SLC39A11: variants seen among roughly 807,000 people sequenced by gnomAD.
SLC39A11 encodes the protein zinc transporter ZIP11.
Under a neutral mutation model 36.1 loss-of-function variants are expected in SLC39A11, and 33 were observed. The ratio of observed to expected loss-of-function variants is 0.91; its 90% CI spans 0.69 to 1.22. The LOEUF (loss-of-function observed/expected upper bound fraction) is 1.22. Ranked by LOEUF, SLC39A11 falls within the 50% of genes most tolerant of loss-of-function variation. The pLI is 0.00. For missense variants in SLC39A11, 432 were observed against 430.3 expected, an observed-to-expected ratio of 1.00 and a Z score of -0.03; for synonymous variants, 166 against 170.3, an observed-to-expected ratio of 0.97 and a Z score of 0.20.
chr17:72,735,434 A>G (rs2074386175), intron 7 of SLC39A11, among the ~76,000 whole-genome samples: 2 of 152,108 alleles, frequency 1.3e-5, no homozygotes, highest in South Asian at 2.1e-4. Flanking sequence ...GTCACGATCA[A>G]TGGGTGCAGG....
chr17:72,909,268 C>T (rs143803452), intron 5 of SLC39A11, among the ~76,000 whole-genome samples: 19 of 152,310 alleles, frequency 1.2e-4, no homozygotes, highest in African/African-American at 4.1e-4. Context: ...TTGCATCCCA[C>T]CCATTCTGGA....
intron 6 of SLC39A11, among the ~76,000 whole-genome samples, chr17:72,799,034 G>A (rs2076994308): frequency 6.6e-6 from 1 of 151,266 alleles, no homozygotes; most frequent in Non-Finnish European, 1.5e-5. Context: ...GCAAGGTTTT[G>A]ACTTGTGCAC....
intron 7 of SLC39A11, among the ~76,000 whole-genome samples, chr17:72,729,832 G>A (rs2074142603): frequency 6.6e-6 from 1 of 151,998 alleles, no homozygotes; most frequent in East Asian, 1.9e-4. Context: ...TCTTCTACTG[G>A]TTTCTTGGTC....
Position 72,873,199 on chromosome 17 carries a change from G to A in SLC39A11, c.431-23395C>T, listed in dbSNP as rs80262552. On this transcript the variant is annotated intron_variant, in intron 5 of 9. Transcript: ENST00000255559. Reference sequence around the variant, plus strand: ...AGACTGGTATTTGAGGTGTTTTTCAGACCTCACGTTCTGATGGACCGGCTG... The same window carrying A: ...AGACTGGTATTTGAGGTGTTTTTCAAACCTCACGTTCTGATGGACCGGCTG... Among the ~76,000 whole-genome samples the A allele has an allele frequency of 4.1e-3, 627 of 151,960 alleles. 1 individual carries two copies. Among genetic ancestry groups the A allele is most frequent in the African/African-American group, 0.015 (607 of 41,414 alleles).
intron 4 of SLC39A11, among the ~76,000 whole-genome samples, chr17:72,961,316 G>A (rs949235951): frequency 6.6e-6 from 1 of 152,196 alleles, no homozygotes; most frequent in Non-Finnish European, 1.5e-5. Flanking sequence ...TTCAACCATC[G>A]TGGAGAAAGT....
intron 6 of SLC39A11, among the ~76,000 whole-genome samples, chr17:72,755,140 G>A (rs773660164): frequency 1.1e-4 from 16 of 152,232 alleles, no homozygotes; most frequent in Non-Finnish European, 2.4e-4. Flanking sequence ...AGGGAAGAGA[G>A]AGAACTGCTA....
intron 5 of SLC39A11, among the ~76,000 whole-genome samples, chr17:72,922,792 AC>A (rs1244711569): frequency 6.6e-6 from 1 of 151,768 alleles, no homozygotes; most frequent in African/African-American, 2.4e-5. Flanking sequence ...ACATGGCAAA[AC>A]CCCATATCTA....
rs1390446304 is a variant in SLC39A11 at position 72,780,512 on chromosome 17, C to T, written c.602-43793G>A. ...ACGTGCACCGCACAGTGCTAAGGGC[C>T]CTGAAGATGGGGGGCGGGTGGGGGC... On this transcript the variant is annotated intron_variant, in intron 6 of 9. Coordinates refer to ENST00000255559, the MANE Select transcript of SLC39A11 (RefSeq NM_139177.4). 2.3e-4 allele frequency among the ~76,000 whole-genome samples: 10 copies of T among 44,064 alleles called. No individual in the cohort carries two copies. In the Admixed American group the frequency reaches 3.0e-3, roughly 13 times the overall value. The allele number at this position is 44,064 out of a possible 152,430, so 28.9% of individuals were successfully genotyped here. A position where few individuals can be genotyped will look rare whatever the true frequency, so the allele number is the denominator to read the frequency against.
At chr17:73,001,523 C>T (rs1329365410) in intron 4 of SLC39A11, among the ~76,000 whole-genome samples, 1 of 151,372 alleles carries the variant, frequency 6.6e-6, no homozygotes, top group Non-Finnish European at 1.5e-5. Context: ...TGTAACTAAC[C>T]TGCACATTGT....
intron 7 of SLC39A11, among the ~76,000 whole-genome samples, chr17:72,681,682 A>C (rs1278730840): frequency 1.3e-5 from 2 of 152,150 alleles, no homozygotes; most frequent in Non-Finnish European, 2.9e-5. Context: ...GTCCACTTAC[A>C]TGTGGATTTT....
chr17:72,659,576 T>TA (rs2070315768), intron 7 of SLC39A11, among the ~76,000 whole-genome samples: 1 of 90,396 alleles, frequency 1.1e-5, no homozygotes, highest in Non-Finnish European at 2.1e-5. Flanking sequence ...CTGTGACTCT[T>TA]TTTTTTTTTT....
rs534288634 is a variant in SLC39A11 at position 73,004,793 on chromosome 17, G to C, written c.306+26763C>G. Among the ~76,000 whole-genome samples, 5 of 152,318 alleles carry C rather than the reference G, an allele frequency of 3.3e-5. No homozygotes were observed. The South Asian group carries it at 1.0e-3, about 32-fold the overall frequency. ...GGGGCAAAGATGGACTGTGGTCCTA[G>C]GGCACGATGTTATGGGCAGAGCTTT... On this transcript the variant is annotated intron_variant, in intron 4 of 9. Coordinates refer to ENST00000255559, the MANE Select transcript of SLC39A11 (RefSeq NM_139177.4).
intron 6 of SLC39A11, among the ~76,000 whole-genome samples, chr17:72,778,121 T>G (rs955896232): frequency 6.6e-6 from 1 of 152,218 alleles, no homozygotes; most frequent in Non-Finnish European, 1.5e-5. Context: ...GCCACACTGG[T>G]CTTGAACTCC....
intron 6 of SLC39A11, among the ~76,000 whole-genome samples, chr17:72,829,445 T>C (rs995579557): frequency 6.6e-6 from 1 of 151,894 alleles, no homozygotes; most frequent in East Asian, 1.9e-4. Flanking sequence ...TCAGTGGGAT[T>C]TGGTGACCAA....
intron 7 of SLC39A11, among the ~76,000 whole-genome samples, chr17:72,704,542 G>A (rs1197576478): frequency 2.0e-5 from 3 of 152,174 alleles, no homozygotes; most frequent in Non-Finnish European, 4.4e-5. Flanking sequence ...TTTTCAGTGG[G>A]TCCTGCAAGG....
chr17:73,082,981 A>G lies in SLC39A11; in HGVS notation c.147+1827T>C, dbSNP rs1381335843. On this transcript the variant is annotated intron_variant, in intron 3 of 9. Transcript: ENST00000255559. ...CAGTGAGCCAAGATCCAGCCACTGC[A>G]CTCCAGCCTGGACAACAGAGGGAGA... 4.4e-5 allele frequency among the ~76,000 whole-genome samples: 6 copies of G among 134,944 alleles called. No individual in the cohort carries two copies. In the South Asian group the frequency reaches 9.9e-4, roughly 22 times the overall value. The allele number at this position is 134,944 out of a possible 152,430, so 88.5% of individuals were successfully genotyped here.
chr17:72,654,342 G>A (rs763519503), intron 7 of SLC39A11, among the ~76,000 whole-genome samples: 4 of 152,150 alleles, frequency 2.6e-5, no homozygotes, highest in Non-Finnish European at 4.4e-5. Context: ...ACTGTTGAAC[G>A]TTGCTTCAGT....
At chr17:72,823,497 C>G (rs561776581) in intron 6 of SLC39A11, 7 of 151,370 alleles carry the variant, frequency 4.6e-5, no homozygotes, top group African/African-American at 1.7e-4. Context: ...GATGTTCCCA[C>G]GCTGCATATG....
At chr17:72,845,963 G>A (rs1337646585) in intron 6 of SLC39A11, among the ~76,000 whole-genome samples, 1 of 149,452 alleles carries the variant, frequency 6.7e-6, no homozygotes, top group Non-Finnish European at 1.5e-5. Flanking sequence ...CCAGGATGGA[G>A]TGTGGAGATA....
Sources: gnomAD v4.1 joint callset for allele counts (sites outside exome capture counted in the v4.1 genomes callset) on GRCh38, gnomAD v4.1.1 for gene constraint, MANE v1.5 for transcripts, NCBI Gene and HGNC (gene_info 2026-07-23, HGNC 2026-07-21) for gene names.